Variants in PACSIN2 observed in about 807,000 individuals in gnomAD.
PACSIN2 encodes protein kinase C and casein kinase substrate in neurons protein 2.
A neutral mutation model predicts 63.8 loss-of-function variants in PACSIN2; 25 were observed. That is an observed-to-expected ratio of 0.39 (90% CI 0.29 to 0.55). The LOEUF (loss-of-function observed/expected upper bound fraction) is 0.55. Ranked by LOEUF, PACSIN2 falls within the 20% of genes least tolerant of loss-of-function variation. The pLI is 0.62. For missense variants in PACSIN2, 518 were observed against 646.9 expected (o/e 0.80, Z 2.16); for synonymous variants, 255 against 256.2 (o/e 1.00, Z 0.05).
At chr22:42,936,073 G>A (rs1227631626) in intron 1 of PACSIN2, among the ~76,000 whole-genome samples, 6 of 152,198 alleles carry the variant, frequency 3.9e-5, no homozygotes, top group East Asian at 1.9e-4. Flanking sequence ...AAAATTAGCC[G>A]AACATGGTGG....
chr22:42,954,063 C>G (rs1933813099), intron 1 of PACSIN2, among the ~76,000 whole-genome samples: 1 of 152,148 alleles, frequency 6.6e-6, no homozygotes, highest in Non-Finnish European at 1.5e-5. Context: ...GAGTTCGAAA[C>G]CAGCCTAGCC....
intron 1 of PACSIN2, among the ~76,000 whole-genome samples, chr22:42,971,836 C>T (rs1267352172): frequency 1.0e-4 from 3 of 28,962 alleles, no homozygotes; most frequent in East Asian, 4.5e-3. Context: ...CAGCCCCGTC[C>T]GGGAGGGAGG....
intron 8 of PACSIN2, among the ~76,000 whole-genome samples, chr22:42,878,703 GTC>G (rs1928834312): frequency 1.3e-5 from 2 of 152,224 alleles, no homozygotes; most frequent in Non-Finnish European, 2.9e-5. Context: ...CTCCACCAGT[GTC>G]CGGGCAGGGC....
intron 1 of PACSIN2, among the ~76,000 whole-genome samples, chr22:42,964,129 G>A (rs115659490): frequency 1.4e-3 from 213 of 152,288 alleles, no homozygotes; most frequent in African/African-American, 5.0e-3. Flanking sequence ...TTTACAAGGT[G>A]ATTCTTGGCT....
chr22:42,988,426 A>G (rs1922784793), intron 1 of PACSIN2, among the ~76,000 whole-genome samples: 1 of 152,202 alleles, frequency 6.6e-6, no homozygotes, highest in African/African-American at 2.4e-5. Context: ...TCAACCTTCT[A>G]CTTCCCAAGA....
intron 1 of PACSIN2, among the ~76,000 whole-genome samples, chr22:43,006,912 C>T (rs946976215): frequency 1.3e-5 from 2 of 152,216 alleles, no homozygotes; most frequent in African/African-American, 4.8e-5. Context: ...AAGGCTGAGG[C>T]CATTCCCACT....
chr22:42,920,542 C>T (rs886146419), intron 1 of PACSIN2, among the ~76,000 whole-genome samples: 2 of 152,184 alleles, frequency 1.3e-5, no homozygotes, highest in Non-Finnish European at 2.9e-5. Context: ...AAACATACCT[C>T]CTTCTCCTTC....
intron 1 of PACSIN2, among the ~76,000 whole-genome samples, chr22:43,000,421 A>G (rs1171807804): frequency 1.3e-5 from 2 of 152,132 alleles, no homozygotes; most frequent in Non-Finnish European, 2.9e-5. Flanking sequence ...CACCAATCAC[A>G]CTGCTAACAT....
At chr22:42,979,961 CAT>C (rs371858029) in intron 1 of PACSIN2, among the ~76,000 whole-genome samples, 23 of 152,064 alleles carry the variant, frequency 1.5e-4, no homozygotes, top group Non-Finnish European at 2.4e-4. Flanking sequence ...ATACAATACA[CAT>C]ATAGTATAAA....
At chr22:42,998,614 G>A (rs1923563990) in intron 1 of PACSIN2, among the ~76,000 whole-genome samples, 1 of 152,192 alleles carries the variant, frequency 6.6e-6, no homozygotes, top group Non-Finnish European at 1.5e-5. Flanking sequence ...AAGTAAACTG[G>A]TATTTTGTTA....
intron 2 of PACSIN2, among the ~76,000 whole-genome samples, chr22:42,901,321 T>C (rs528042752): frequency 4.5e-4 from 68 of 152,326 alleles, no homozygotes; most frequent in Admixed American, 4.1e-3. Context: ...GCATCTCCTC[T>C]GTCAGCCTGG....
chr22:42,998,892 A>C (rs1923583487), intron 1 of PACSIN2, among the ~76,000 whole-genome samples: 1 of 152,162 alleles, frequency 6.6e-6, no homozygotes, highest in African/African-American at 2.4e-5. Context: ...AGCTGGGGGC[A>C]GTTGAAGAGG....
At chr22:42,881,065 C>A (rs865899378) in intron 7 of PACSIN2, among the ~76,000 whole-genome samples, 2 of 152,204 alleles carry the variant, frequency 1.3e-5, no homozygotes, top group Admixed American at 6.5e-5. Context: ...GTGGAAGGGG[C>A]ACAGCTGCTC....
chr22:42,913,089 A>T (rs1931567199), intron 1 of PACSIN2, among the ~76,000 whole-genome samples: 1 of 152,224 alleles, frequency 6.6e-6, no homozygotes, highest in Non-Finnish European at 1.5e-5. Flanking sequence ...CCAGAGTCAG[A>T]CTACCTAGGC....
intron 1 of PACSIN2, among the ~76,000 whole-genome samples, chr22:42,971,857 C>CCCCGTCGGGGGGGTGGGGGGCAGA (rs1569339093): frequency 1.9e-4 from 6 of 31,170 alleles, no homozygotes; most frequent in African/African-American, 8.2e-4. Flanking sequence ...TGGGGGGCAG[C>CCCCGTCGGGGGGGTGGGGGGCAGA]CCCCGCCCAG....
intron 10 of PACSIN2, among the ~76,000 whole-genome samples, chr22:42,872,575 C>G (rs978318691): frequency 4.6e-5 from 7 of 152,220 alleles, no homozygotes; most frequent in African/African-American, 1.7e-4. Context: ...AACATGCCTG[C>G]GGAGCTAATA....
intron 1 of PACSIN2, among the ~76,000 whole-genome samples, chr22:42,976,350 C>T (rs1921702104): frequency 6.6e-6 from 1 of 152,358 alleles, no homozygotes; most frequent in South Asian, 2.1e-4. Flanking sequence ...AGGCCACTGG[C>T]AAGCGCAGGC....
At chr22:42,967,883 A>G (rs2267481) in intron 1 of PACSIN2, among the ~76,000 whole-genome samples, 91,717 of 152,120 alleles carry the variant, frequency 0.6, 28,199 homozygotes, top group East Asian at 0.78. Context: ...GCGAGACTCC[A>G]TCTCAAAAAT....
chr22:42,898,022 A>G, intron 2 of PACSIN2, among the ~76,000 whole-genome samples: 1 of 151,824 alleles, frequency 6.6e-6, no homozygotes, highest in Non-Finnish European at 1.5e-5. Context: ...AGGCTTGGGG[A>G]CTGGTGGGGC....
Sources: gnomAD v4.1 joint callset for allele counts (sites outside exome capture counted in the v4.1 genomes callset) on GRCh38, gnomAD v4.1.1 for gene constraint, MANE v1.5 for transcripts, NCBI Gene and HGNC (gene_info 2026-07-23, HGNC 2026-07-21) for gene names.